The following NTN1 variants were observed in gnomAD, a reference collection of about 807,000 sequenced individuals.
NTN1 encodes netrin 1, also known as netrin-1.
Under a neutral mutation model 54.2 loss-of-function variants are expected in NTN1, and 11 were observed. The ratio of observed to expected loss-of-function variants is 0.20; its 90% CI spans 0.13 to 0.34. The LOEUF is 0.34. Among genes scored for constraint, NTN1 ranks in the 10% least tolerant of loss-of-function variants. NTN1 has a pLI of 1.00. For synonymous variants in NTN1, 371 were observed against 382.0 expected (o/e 0.97, Z 0.33); for missense variants, 740 against 893.1 (o/e 0.83, Z 2.18).
At chr17:9,151,783 AT>A (rs1169378358) in intron 2 of NTN1, among the ~76,000 whole-genome samples, 1 of 152,114 alleles carries the variant, frequency 6.6e-6, no homozygotes, top group Non-Finnish European at 1.5e-5. Context: ...CTGCTGGGGA[AT>A]TGGGAAAATT....
Position 9,047,520 on chromosome 17 carries a change from C to T in NTN1, c.1018+24129C>T, listed in dbSNP as rs2091944828. On this transcript the variant is annotated intron_variant, in intron 2 of 6. Coordinates refer to ENST00000173229, the MANE Select transcript of NTN1 (RefSeq NM_004822.3). ...GTTTTATCATGAGATTGGAGTGATTCAGTCACATCTTCAGGCGCCACTTCT... is the reference window on the plus strand; with the variant it reads ...GTTTTATCATGAGATTGGAGTGATTTAGTCACATCTTCAGGCGCCACTTCT... Among the ~76,000 whole-genome samples the T allele has an allele frequency of 2.6e-5, 4 of 152,236 alleles. No individual in the cohort carries two copies. The South Asian group carries it at 8.3e-4, about 32-fold the overall frequency.
chr17:9,204,421 G>C (rs1189734106), intron 5 of NTN1, among the ~76,000 whole-genome samples: 1 of 152,064 alleles, frequency 6.6e-6, no homozygotes, highest in East Asian at 1.9e-4. Context: ...AGCCTTCTGA[G>C]TAGCTGGGAC....
At chr17:9,198,050 G>T (rs1904684886) in intron 5 of NTN1, among the ~76,000 whole-genome samples, 1 of 152,188 alleles carries the variant, frequency 6.6e-6, no homozygotes, top group Non-Finnish European at 1.5e-5. Context: ...GGTTATCGGG[G>T]CCCTGCTGTC....
chr17:9,092,766 A>ATT (rs397827701), intron 2 of NTN1, among the ~76,000 whole-genome samples: 2,049 of 148,838 alleles, frequency 0.014, 50 homozygotes, highest in African/African-American at 0.047. Context: ...TAATTTTTGT[A>ATT]TTTTTTTTTT....
At chr17:9,097,720 G>T (rs551157600) in intron 2 of NTN1, among the ~76,000 whole-genome samples, 1 of 152,086 alleles carries the variant, frequency 6.6e-6, no homozygotes, top group Non-Finnish European at 1.5e-5. Flanking sequence ...AACACAAATA[G>T]AAAGCACACT....
chr17:9,146,072 C>T (rs923407516), intron 2 of NTN1, among the ~76,000 whole-genome samples: 17 of 152,276 alleles, frequency 1.1e-4, no homozygotes, highest in African/African-American at 3.9e-4. Context: ...GTTTGGGAGA[C>T]CCCTGCGAGG....
intron 2 of NTN1, among the ~76,000 whole-genome samples, chr17:9,087,844 G>A (rs2092094666): frequency 6.6e-6 from 1 of 152,194 alleles, no homozygotes; most frequent in African/African-American, 2.4e-5. Flanking sequence ...CCTGTGTGAG[G>A]GCCGTGACCT....
Position 9,120,284 on chromosome 17 carries a change from C to CAA in NTN1, c.1019-42512_1019-42511dup, listed in dbSNP as rs35302549. Among the ~76,000 whole-genome samples, 163 of 98,274 alleles carry CAA rather than the reference C, an allele frequency of 1.7e-3. 3 individuals carry two copies. Among genetic ancestry groups the CAA allele is most frequent in the Middle Eastern group, 0.012 (2 of 164 alleles). 64.5% of individuals were successfully genotyped at this position (98,274 alleles called of 152,430 possible). On this transcript the variant is annotated intron_variant, in intron 2 of 6. Coordinates refer to ENST00000173229, the MANE Select transcript of NTN1 (RefSeq NM_004822.3). ...TGGGTGACAGAGCGAGACTCCGTCT[C>CAA]AAAAAAAAAAAAAAAAAAGTGCCTG...
intron 5 of NTN1, among the ~76,000 whole-genome samples, chr17:9,209,376 G>T (rs941918299): frequency 6.6e-6 from 1 of 152,240 alleles, no homozygotes; most frequent in Non-Finnish European, 1.5e-5. Context: ...ATTAGGGTTT[G>T]CTCTTGAGGA....
chr17:9,006,752 T>C, the NTN1 span, among the ~76,000 whole-genome samples: 1 of 152,188 alleles, frequency 6.6e-6, no homozygotes, highest in African/African-American at 2.4e-5. Flanking sequence ...GATGCCCTGG[T>C]AGGGCCCTTC....
intron 5 of NTN1, among the ~76,000 whole-genome samples, chr17:9,207,897 A>G (rs1160409068): frequency 2.0e-5 from 3 of 152,134 alleles, no homozygotes; most frequent in Non-Finnish European, 2.9e-5. Context: ...CTCCAGCCCA[A>G]CTCGTGCCCT....
intron 2 of NTN1, among the ~76,000 whole-genome samples, chr17:9,157,642 C>T (rs868800057): frequency 6.6e-6 from 1 of 152,324 alleles, no homozygotes; most frequent in Non-Finnish European, 1.5e-5. Context: ...GTGATGCATC[C>T]TTGGTGATCC....
chr17:9,209,995 C>T (rs926219703), intron 5 of NTN1, among the ~76,000 whole-genome samples: 3 of 152,094 alleles, frequency 2.0e-5, no homozygotes, highest in African/African-American at 7.2e-5. Flanking sequence ...TGAAACCCAG[C>T]AGCCCTAGGT....
intron 2 of NTN1, among the ~76,000 whole-genome samples, chr17:9,035,414 T>TA (rs552877054): frequency 7.5e-4 from 114 of 152,336 alleles, no homozygotes; most frequent in African/African-American, 2.5e-3. Flanking sequence ...CCACTCCACT[T>TA]ACGGCAGGCA....
chr17:9,031,388 G>A (rs1006019877), intron 2 of NTN1, among the ~76,000 whole-genome samples: 4 of 152,120 alleles, frequency 2.6e-5, no homozygotes, highest in African/African-American at 7.2e-5. Flanking sequence ...CACCACTCCC[G>A]CATTCTAAAA....
chr17:9,167,771 G>GC (rs3837850), intron 3 of NTN1, among the ~76,000 whole-genome samples: 87,390 of 152,002 alleles, frequency 0.57, 25,273 homozygotes, highest in African/African-American at 0.6. Flanking sequence ...CCACAGTCTT[G>GC]CCCCCTCTGT....
At chr17:9,005,907 T>C in the NTN1 span, among the ~76,000 whole-genome samples, 1 of 152,152 alleles carries the variant, frequency 6.6e-6, no homozygotes, top group African/African-American at 2.4e-5. Context: ...GACCTAACAC[T>C]GCACACTGCA....
chr17:9,179,889 G>A lies in NTN1; in HGVS notation c.1290G>A (p.Thr430=), dbSNP rs1014499318. The A allele has an allele frequency of 1.4e-5, 23 of 1,613,952 alleles. No homozygotes were observed. The highest frequency in any genetic ancestry group is 5.3e-5 in the African/African-American group (4 of 74,946). Residue 430 remains threonine, a synonymous_variant, in exon 4 of 7, where the codon ACG becomes ACA. Transcript: ENST00000173229. ...TGQCPCKDGV[T]GITCNRCAKG... is the part of the protein sequence containing the mutation. Reference sequence around the variant, plus strand: ...AGTGTCCCTGCAAGGACGGCGTGACGGGTATCACCTGCAACCGCTGCGCCA... The same window carrying A: ...AGTGTCCCTGCAAGGACGGCGTGACAGGTATCACCTGCAACCGCTGCGCCA...
chr17:9,192,487 A>C (rs957493097), intron 5 of NTN1, among the ~76,000 whole-genome samples: 1 of 152,156 alleles, frequency 6.6e-6, no homozygotes, highest in African/African-American at 2.4e-5. Flanking sequence ...GTGGTTCTCA[A>C]TCAGGGGCTA....
Sources: allele counts gnomAD v4.1 joint callset (sites outside exome capture counted in the v4.1 genomes callset), GRCh38; gene constraint gnomAD v4.1.1; transcripts MANE v1.5; gene names NCBI Gene and HGNC (gene_info 2026-07-23, HGNC 2026-07-21).